DDX50: variants seen among roughly 807,000 people sequenced by gnomAD.
DDX50 encodes the protein DExD-box helicase 50.
Under a neutral mutation model 94.8 loss-of-function variants are expected in DDX50, and 56 were observed. That is an observed-to-expected ratio of 0.59 (90% CI 0.48 to 0.74). The LOEUF (loss-of-function observed/expected upper bound fraction) is 0.74. DDX50 is among the 30% of genes least tolerant of loss of function. The probability of loss-of-function intolerance (pLI) is 0.00; values close to 1 mark genes in which losing one functional copy is unlikely to be tolerated. For missense variants in DDX50, 713 were observed against 881.2 expected (o/e 0.81, Z 2.42); for synonymous variants, 264 against 295.4 (o/e 0.89, Z 1.09).
intron 6 of DDX50, 152 bp downstream of exon 6, chr10:68,913,728 A>G (rs1401203293): frequency 9.6e-6 from 7 of 726,688 alleles, no homozygotes; most frequent in East Asian, 6.0e-5. Flanking sequence ...AAAAGAAAGT[A>G]TGATAGCATC....
chr10:68,905,573 G>A (rs949746254), intron 1 of DDX50, among the ~76,000 whole-genome samples: 1 of 152,182 alleles, frequency 6.6e-6, no homozygotes, highest in African/African-American at 2.4e-5. Flanking sequence ...GTGGATCTTT[G>A]GCAAGTTGCT....
At chr10:68,910,207 C>A in intron 2 of DDX50, 100 bp from the exon 3 acceptor site, 1 of 997,618 alleles carries the variant, frequency 1.0e-6, no homozygotes, top group Non-Finnish European at 1.5e-6. Flanking sequence ...AAAAAGTGTT[C>A]CACTAATTTT....
rs67773821 is a variant in DDX50, at chr10:68,926,774, TACAC to T, written c.1239+6824_1239+6827del. ...ACAGTCTCTGTGTCTCACACAGAGA[TACAC>T]ACACACACACACACACACACACACA... is the stretch of plus-strand genomic sequence containing the variant. On this transcript the variant is annotated intron_variant, in intron 8 of 14. Coordinates refer to ENST00000373585, the MANE Select transcript of DDX50 (RefSeq NM_024045.2). Among the ~76,000 whole-genome samples, 357 of 140,360 alleles carry T rather than the reference TACAC, an allele frequency of 2.5e-3. 1 individual carries two copies. Among genetic ancestry groups the T allele is most frequent in the South Asian group, 0.01 (45 of 4,414 alleles). The allele number at this position is 140,360 out of a possible 152,430, so 92.1% of individuals were successfully genotyped here.
intron 4 of DDX50, 69 bp downstream of exon 4, chr10:68,911,315 C>T (rs1841621223): frequency 3.5e-6 from 5 of 1,440,880 alleles, no homozygotes; most frequent in Non-Finnish European, 1.8e-6. Context: ...TTACACGAGT[C>T]CTAAGTTCTA....
At chr10:68,918,751 C>T (rs1021190853) in intron 7 of DDX50, among the ~76,000 whole-genome samples, 7 of 152,144 alleles carry the variant, frequency 4.6e-5, no homozygotes, top group Non-Finnish European at 5.9e-5. Flanking sequence ...TCTTTATCCG[C>T]TGTCAACCAC....
rs754802512 is a variant in DDX50 at position 68,906,859 on chromosome 10, A to G, written c.236A>G (p.Asn79Ser). The G allele has an allele frequency of 1.2e-5, 19 of 1,613,446 alleles. No homozygotes were observed. The South Asian group carries it at 1.7e-4, about 14-fold the overall frequency. ...AATGGAGACACTGAAGAAGGATTTA[A>G]TAGACTTTCAGATGAATTCTCCAAA... Reference protein sequence around the residue: ...KLNGDTEEGFNRLSDEFSKSH... With the variant: ...KLNGDTEEGFSRLSDEFSKSH... Residue 79 changes from asparagine to serine, a missense_variant, in exon 2 of 15, where the codon AAT (asparagine) becomes AGT (serine). Coordinates refer to ENST00000373585, the MANE Select transcript of DDX50 (RefSeq NM_024045.2).
At chr10:68,928,510 T>C (rs946877931) in intron 8 of DDX50, among the ~76,000 whole-genome samples, 2 of 152,152 alleles carry the variant, frequency 1.3e-5, no homozygotes, top group African/African-American at 4.8e-5. Context: ...ATCTCTATAT[T>C]ATTTTTTAAA....
At chr10:68,902,948 CAA>C (rs1841333764) in intron 1 of DDX50, among the ~76,000 whole-genome samples, 2 of 152,212 alleles carry the variant, frequency 1.3e-5, no homozygotes, top group South Asian at 4.1e-4. Context: ...GGAAAGTGAC[CAA>C]ATCTTTATCC....
intron 7 of DDX50, among the ~76,000 whole-genome samples, chr10:68,915,033 A>C (rs1387209041): frequency 2.0e-5 from 3 of 151,706 alleles, no homozygotes; most frequent in African/African-American, 4.8e-5. Context: ...AAAAAAAAAA[A>C]AAAACCACAG....
At chr10:68,933,090 T>C (rs1194843567) in intron 8 of DDX50, among the ~76,000 whole-genome samples, 1 of 146,604 alleles carries the variant, frequency 6.8e-6, no homozygotes, top group African/African-American at 2.6e-5. Flanking sequence ...TTTTTTGAGA[T>C]GAAGCTTCAC....
chr10:68,925,441 T>C (rs1222176374), intron 8 of DDX50, among the ~76,000 whole-genome samples: 1 of 152,054 alleles, frequency 6.6e-6, no homozygotes, highest in Non-Finnish European at 1.5e-5. Flanking sequence ...ATGAGACCAT[T>C]TTGTCAGTTA....
chr10:68,903,081 A>G (rs190489596), intron 1 of DDX50, among the ~76,000 whole-genome samples: 1 of 152,228 alleles, frequency 6.6e-6, no homozygotes, highest in Non-Finnish European at 1.5e-5. Flanking sequence ...ACGAATTGGA[A>G]TACCAACTAA....
intron 12 of DDX50, among the ~76,000 whole-genome samples, chr10:68,937,464 C>T (rs763086007): frequency 6.6e-5 from 10 of 151,950 alleles, no homozygotes; most frequent in Non-Finnish European, 1.3e-4. Flanking sequence ...TCAGTACATC[C>T]GTACATACCA....
intron 12 of DDX50, among the ~76,000 whole-genome samples, chr10:68,939,314 A>G (rs1842498953): frequency 6.6e-6 from 1 of 152,198 alleles, no homozygotes; most frequent in Admixed American, 6.5e-5. Context: ...AAATATTGAG[A>G]TTTGAGCTAA....
chr10:68,923,139 TTG>T (rs1480564074), intron 8 of DDX50, among the ~76,000 whole-genome samples: 2 of 146,480 alleles, frequency 1.4e-5, no homozygotes, highest in African/African-American at 5.0e-5. Context: ...AAAATTCTGT[TTG>T]TGTGTGTGTA....
chr10:68,911,198 A>G lies in DDX50; in HGVS notation c.591A>G (p.Glu197=). The change falls in exon 4 of 15, where the codon GAA becomes GAG. Residue 197 remains glutamate, a synonymous_variant. Transcript: ENST00000373585. ...TCTCTTTTGCCATCCCCTTAATTGA[A>G]AGACTCCAAAGAAATCAAGAAACAA... ...KTFSFAIPLI[E]RLQRNQETIK... is the part of the protein sequence containing the mutation. 1 of 1,608,480 alleles carries G rather than the reference A, an allele frequency of 6.2e-7. No homozygotes were observed. The highest frequency in any genetic ancestry group is 1.3e-5 in the African/African-American group (1 of 74,602).
chr10:68,925,649 G>A lies in DDX50; in HGVS notation c.1239+5668G>A, dbSNP rs553206862. Reference sequence around the variant, plus strand: ...AGCACTTTGGGAGGCTGATGTGGGAGGATCATTTGAGGTCAGGAGTTTGAG... The same window carrying A: ...AGCACTTTGGGAGGCTGATGTGGGAAGATCATTTGAGGTCAGGAGTTTGAG... On this transcript the variant is annotated intron_variant, in intron 8 of 14. Transcript: ENST00000373585. Among the ~76,000 whole-genome samples the A allele has an allele frequency of 7.2e-5, 11 of 152,270 alleles. No homozygotes were observed. The South Asian group carries it at 8.3e-4, about 11-fold the overall frequency.
intron 1 of DDX50, among the ~76,000 whole-genome samples, chr10:68,901,761 A>G (rs1365106194): frequency 1.3e-5 from 2 of 152,112 alleles, no homozygotes; most frequent in Admixed American, 6.5e-5. Flanking sequence ...TCACCATGGA[A>G]TCTGTTCTTT....
intron 12 of DDX50, among the ~76,000 whole-genome samples, chr10:68,938,920 G>A (rs1020050981): frequency 3.9e-5 from 6 of 151,946 alleles, no homozygotes; most frequent in Admixed American, 2.0e-4. Context: ...AGTCTTGGTC[G>A]GTTGTTTGGT....
Sources: allele counts gnomAD v4.1 joint callset (sites outside exome capture counted in the v4.1 genomes callset), GRCh38; gene constraint gnomAD v4.1.1; transcripts MANE v1.5; gene names NCBI Gene and HGNC (gene_info 2026-07-23, HGNC 2026-07-21).